Variants in RICTOR observed in about 807,000 individuals in gnomAD.
The protein encoded by RICTOR is rapamycin-insensitive companion of mTOR.
Under a neutral mutation model 214.9 loss-of-function variants are expected in RICTOR, and 49 were observed. The ratio of observed to expected loss-of-function variants is 0.23; its 90% CI spans 0.18 to 0.29. The LOEUF (loss-of-function observed/expected upper bound fraction) is 0.29, where lower values mean the gene tolerates loss of function less well. RICTOR is among the 10% of genes least tolerant of loss of function. The pLI, the probability that RICTOR is intolerant of heterozygous loss-of-function variation, is 1.00. For synonymous variants in RICTOR, 717 were observed against 711.3 expected (o/e 1.01, Z -0.13); for missense variants, 1,625 against 2,047.0 (o/e 0.79, Z 3.98).
rs1214137104 is a variant in RICTOR at position 38,939,865 on chromosome 5, T to C, written c.*2439A>G. 1.3e-5 allele frequency: 3 copies of C among 224,490 alleles called. No individual in the cohort carries two copies. The highest frequency in any genetic ancestry group is 2.7e-5 in the Non-Finnish European group (3 of 112,540). 13.9% of individuals were successfully genotyped at this position (224,490 alleles called of 1,614,324 possible). On this transcript the variant is annotated 3_prime_UTR_variant, in exon 38 of 38. Transcript: ENST00000357387. Reference sequence around the variant, plus strand: ...CATTCCTAACCTCTTCTGCTATAATTTAATATTTTTAAACACTTAAGTTAA... The same window carrying C: ...CATTCCTAACCTCTTCTGCTATAATCTAATATTTTTAAACACTTAAGTTAA...
intron 3 of RICTOR, among the ~76,000 whole-genome samples, chr5:39,020,144 AAC>A (rs1755289414): frequency 1.3e-5 from 2 of 152,200 alleles, no homozygotes; most frequent in Admixed American, 1.3e-4. Context: ...GAAGAGCAAA[AAC>A]GGGGTTTCAT....
At chr5:39,038,506 A>G (rs1226056465) in intron 2 of RICTOR, among the ~76,000 whole-genome samples, 1 of 152,200 alleles carries the variant, frequency 6.6e-6, no homozygotes, top group East Asian at 1.9e-4. Context: ...AGGGTATTCA[A>G]TTAGGAAAAG....
At chr5:39,053,586 C>T (rs941605932) in intron 2 of RICTOR, among the ~76,000 whole-genome samples, 4 of 151,992 alleles carry the variant, frequency 2.6e-5, no homozygotes, top group African/African-American at 7.3e-5. Context: ...TTATTAAATC[C>T]GCAGAATTAG....
At chr5:39,013,864 C>A (rs1289944972) in intron 3 of RICTOR, among the ~76,000 whole-genome samples, 2 of 152,098 alleles carry the variant, frequency 1.3e-5, no homozygotes, top group South Asian at 2.1e-4. Context: ...ATACACATAT[C>A]ATGCTGTCAT....
rs769082066 is a variant in RICTOR at position 38,949,699 on chromosome 5, T to C, written c.4136+13A>G. 1.2e-6 allele frequency: 2 copies of C among 1,605,380 alleles called. No homozygotes were observed. The highest frequency in any genetic ancestry group is 8.5e-7 in the Non-Finnish European group (1 of 1,174,342). On this transcript the variant is annotated intron_variant, in intron 31 of 37. Coordinates refer to ENST00000357387, the MANE Select transcript of RICTOR (RefSeq NM_152756.5). Reference sequence around the variant, plus strand: ...AACCATTATTGGTCACTTCTAAACATATATTTGCTTACCTGCTTGGTGTTA... The same window carrying C: ...AACCATTATTGGTCACTTCTAAACACATATTTGCTTACCTGCTTGGTGTTA...
In RICTOR at chr5:39,074,291, C is replaced by T. The variant is rs1251553050; in HGVS notation, c.49+38G>A. 2.6e-6 allele frequency: 4 copies of T among 1,562,688 alleles called. No individual in the cohort carries two copies. The South Asian group carries it at 3.5e-5, about 14-fold the overall frequency. ...GAAGGCAAGTGCCAGGGGTGGCGGG[C>T]GCCGGGCGGTGGGGAGTGAGGGTTG... is the stretch of plus-strand genomic sequence containing the variant. On this transcript the variant is annotated intron_variant, in intron 1 of 37. Coordinates refer to ENST00000357387, the MANE Select transcript of RICTOR (RefSeq NM_152756.5).
chr5:39,024,978 A>ACTTCC, intron 2 of RICTOR, among the ~76,000 whole-genome samples: 1 of 152,350 alleles, frequency 6.6e-6, no homozygotes, highest in South Asian at 2.1e-4. Context: ...TCTCTAATGT[A>ACTTCC]TCTAACATAG....
In RICTOR at chr5:38,945,062, TGA is replaced by T; in HGVS notation, c.4638_4639del (p.Phe1546LeufsTer7). On this transcript the variant is annotated frameshift_variant, in exon 35 of 38. Coordinates refer to ENST00000357387, the MANE Select transcript of RICTOR (RefSeq NM_152756.5). LOFTEE classifies it high-confidence loss of function. ...ACACCAATCAGAATATGGAATATCT[TGA>T]AAGTCTGAAGAAAAAAATAATTATT... 6.3e-7 allele frequency: 1 copy of T among 1,593,948 alleles called. No homozygotes were observed. The highest frequency in any genetic ancestry group is 8.6e-7 in the Non-Finnish European group (1 of 1,167,932).
chr5:38,942,452 A>ATTTTT, intron 37 of RICTOR, 74 bp from the exon 38 acceptor site: 2 of 564,334 alleles, frequency 3.5e-6, no homozygotes, highest in South Asian at 4.2e-5. Context: ...TAAATATCTA[A>ATTTTT]TTTTTTTTTT....
intron 3 of RICTOR, among the ~76,000 whole-genome samples, chr5:39,017,636 C>A (rs1345644342): frequency 6.6e-6 from 1 of 151,742 alleles, no homozygotes; most frequent in African/African-American, 2.4e-5. Context: ...AACTTCACTA[C>A]GGAAAAATAA....
chr5:39,067,046 G>A (rs1413420948), intron 2 of RICTOR, among the ~76,000 whole-genome samples: 2 of 152,062 alleles, frequency 1.3e-5, no homozygotes, highest in Non-Finnish European at 2.9e-5. Flanking sequence ...ATATTTTCAG[G>A]TATCTTTAGA....
chr5:39,002,464 A>G (rs1015618919), intron 5 of RICTOR, 71 bp downstream of exon 5: 5 of 967,588 alleles, frequency 5.2e-6, no homozygotes, highest in African/African-American at 1.6e-5. Context: ...AAATCTATAC[A>G]CTTTATGGCA....
At chr5:38,979,713 T>G (rs1751548830) in intron 8 of RICTOR, among the ~76,000 whole-genome samples, 1 of 152,230 alleles carries the variant, frequency 6.6e-6, no homozygotes, top group African/African-American at 2.4e-5. Context: ...CGTCAACAAG[T>G]GTCATTCACA....
At chr5:39,001,625 G>C (rs773464406) in intron 5 of RICTOR, among the ~76,000 whole-genome samples, 2 of 151,930 alleles carry the variant, frequency 1.3e-5, no homozygotes, top group Non-Finnish European at 2.9e-5. Context: ...ACTGAAACAA[G>C]ACATTTTCAA....
At position 39,040,518 on chromosome 5, in the gene RICTOR, A is replaced by C. The variant is rs1441216651; in HGVS notation, c.98-19382T>G. On this transcript the variant is annotated intron_variant, in intron 2 of 37. Coordinates refer to ENST00000357387, the MANE Select transcript of RICTOR (RefSeq NM_152756.5). Reference sequence around the variant, plus strand: ...ATTTTAATAATTAGAAGCTATAATTACTATTTTAATTCATTTACTTAGAAT... The same window carrying C: ...ATTTTAATAATTAGAAGCTATAATTCCTATTTTAATTCATTTACTTAGAAT... 4.0e-5 allele frequency among the ~76,000 whole-genome samples: 6 copies of C among 151,444 alleles called. No homozygotes were observed. The East Asian group carries it at 1.2e-3, about 31-fold the overall frequency.
At chr5:39,017,795 C>G (rs894368507) in intron 3 of RICTOR, among the ~76,000 whole-genome samples, 7 of 152,096 alleles carry the variant, frequency 4.6e-5, no homozygotes, top group Admixed American at 4.6e-4. Context: ...AGTTCAATTA[C>G]TTGACAAAGA....
intron 3 of RICTOR, among the ~76,000 whole-genome samples, chr5:39,004,464 CTT>C (rs35374961): frequency 1.4e-5 from 2 of 144,940 alleles, no homozygotes; most frequent in Non-Finnish European, 1.5e-5. Context: ...TTCTCAAACT[CTT>C]TTTTTTTTTT....
chr5:38,960,871 CT>C (rs576292163), intron 19 of RICTOR, among the ~76,000 whole-genome samples: 11 of 152,200 alleles, frequency 7.2e-5, no homozygotes, highest in Admixed American at 7.2e-4. Context: ...GCTTTTCCCC[CT>C]GTGCTCTGTA....
At chr5:39,017,381 T>C (rs571826137) in intron 3 of RICTOR, among the ~76,000 whole-genome samples, 1 of 152,252 alleles carries the variant, frequency 6.6e-6, no homozygotes, top group African/African-American at 2.4e-5. Context: ...TTTTGCAACC[T>C]TGGAACAATG....
Sources: allele counts gnomAD v4.1 joint callset (sites outside exome capture counted in the v4.1 genomes callset), GRCh38; gene constraint gnomAD v4.1.1; transcripts MANE v1.5; gene names NCBI Gene and HGNC (gene_info 2026-07-23, HGNC 2026-07-21).